LINGO2: variants seen among roughly 807,000 people sequenced by gnomAD.
The protein encoded by LINGO2 is leucine-rich repeat and immunoglobulin-like domain-containing nogo receptor-interacting protein 2.
A neutral mutation model predicts 30.6 loss-of-function variants in LINGO2; 14 were observed. The observed-to-expected ratio is 0.46, with a 90% CI of 0.30 to 0.72. LINGO2 has a LOEUF of 0.72. Ranked by LOEUF, LINGO2 falls within the 30% of genes least tolerant of loss-of-function variation. The pLI is 0.07. For missense variants in LINGO2, 729 were observed against 751.7 expected (o/e 0.97, Z 0.35); for synonymous variants, 317 against 288.5 (o/e 1.10, Z -1.00).
chr9:28,358,833 C>T (rs1309774371), intron 3 of LINGO2, among the ~76,000 whole-genome samples: 1 of 152,052 alleles, frequency 6.6e-6, no homozygotes, highest in Admixed American at 6.6e-5. Flanking sequence ...TAGACAACTG[C>T]TGGAGGCTAG....
In LINGO2 at chr9:28,355,239, CTCTG is replaced by C. The variant is rs200720075; in HGVS notation, c.-246+17593_-246+17596del. ...AAAACCGTAATCTGTCTCTATCTCTCTCTGTCTCTCTCTCTGTCTCTGTCTCTCT... is the reference window on the plus strand; with the variant it reads ...AAAACCGTAATCTGTCTCTATCTCTCTCTCTCTCTCTGTCTCTGTCTCTCT... On this transcript the variant is annotated intron_variant, in intron 3 of 5. Coordinates refer to ENST00000379992, the Ensembl canonical transcript of LINGO2. Among the ~76,000 whole-genome samples, 754 of 140,334 alleles carry C rather than the reference CTCTG, an allele frequency of 5.4e-3. 35 individuals are homozygous for C. In the East Asian group the frequency reaches 0.1, roughly 19 times the overall value. The allele number at this position is 140,334 out of a possible 152,430, so 92.1% of individuals were successfully genotyped here. A position where few individuals can be genotyped will look rare whatever the true frequency, so the allele number is the denominator to read the frequency against.
chr9:28,827,974 T>C, the LINGO2 span, among the ~76,000 whole-genome samples: 3 of 152,044 alleles, frequency 2.0e-5, no homozygotes, highest in African/African-American at 7.2e-5. Context: ...TATTGGTATA[T>C]ATGTTATATG....
chr9:28,289,207 A>C (rs1823630387), intron 4 of LINGO2, among the ~76,000 whole-genome samples: 1 of 152,222 alleles, frequency 6.6e-6, no homozygotes, highest in African/African-American at 2.4e-5. Flanking sequence ...ACAACAGAGA[A>C]CAAAAATAAA....
At chr9:28,218,898 T>C (rs1004673095) in intron 4 of LINGO2, among the ~76,000 whole-genome samples, 4 of 152,198 alleles carry the variant, frequency 2.6e-5, no homozygotes, top group Non-Finnish European at 4.4e-5. Flanking sequence ...GACACAAGAA[T>C]AAGGTTTCTA....
the LINGO2 span, among the ~76,000 whole-genome samples, chr9:28,855,681 G>C: frequency 6.6e-6 from 1 of 151,660 alleles, no homozygotes; most frequent in Non-Finnish European, 1.5e-5. Context: ...ACACACACAA[G>C]CAATTCCTTT....
chr9:28,815,040 AT>A, the LINGO2 span, among the ~76,000 whole-genome samples: 3,994 of 152,328 alleles, frequency 0.026, 176 homozygotes, highest in African/African-American at 0.089. Context: ...CTAAAGAGGA[AT>A]TTTGATTCCT....
At chr9:28,018,164 A>G (rs1822934674) in intron 4 of LINGO2, among the ~76,000 whole-genome samples, 1 of 152,146 alleles carries the variant, frequency 6.6e-6, no homozygotes, top group Non-Finnish European at 1.5e-5. Context: ...TATGCAGAAA[A>G]TTGAAACTGG....
At chr9:28,104,867 T>C (rs1029426931) in intron 4 of LINGO2, among the ~76,000 whole-genome samples, 3 of 152,050 alleles carry the variant, frequency 2.0e-5, no homozygotes, top group African/African-American at 7.2e-5. Context: ...AAATACAGTA[T>C]GGGAAAAATA....
At chr9:28,277,199 T>C (rs571629179) in intron 4 of LINGO2, among the ~76,000 whole-genome samples, 14 of 152,258 alleles carry the variant, frequency 9.2e-5, no homozygotes, top group Non-Finnish European at 1.6e-4. Flanking sequence ...TTGGTAATTC[T>C]GGCAATATAT....
chr9:28,676,077 G>A, the LINGO2 span, among the ~76,000 whole-genome samples: 5 of 150,010 alleles, frequency 3.3e-5, no homozygotes, highest in Admixed American at 2.0e-4. Context: ...ACATTTCCTC[G>A]GAACTTATAT....
the LINGO2 span, among the ~76,000 whole-genome samples, chr9:28,994,403 T>C: frequency 2.6e-5 from 4 of 152,106 alleles, no homozygotes; most frequent in African/African-American, 9.7e-5. Flanking sequence ...TCCATGCTTA[T>C]GGGTAGGAAG....
chr9:28,614,682 T>C (rs1406010390), intron 1 of LINGO2, among the ~76,000 whole-genome samples: 2 of 152,120 alleles, frequency 1.3e-5, no homozygotes, highest in African/African-American at 4.8e-5. Flanking sequence ...TTAATTAATT[T>C]GCACCTCAAG....
intron 4 of LINGO2, among the ~76,000 whole-genome samples, chr9:28,104,271 T>TTTTTTTTTTTTTTTTTTC (rs1826511508): frequency 1.4e-5 from 2 of 146,676 alleles, no homozygotes; most frequent in Non-Finnish European, 3.0e-5. Flanking sequence ...TGTTTGTTTT[T>TTTTTTTTTTTTTTTTTTC]TTTTTTTTTT....
the LINGO2 span, among the ~76,000 whole-genome samples, chr9:28,742,673 G>C: frequency 6.6e-6 from 1 of 151,492 alleles, no homozygotes; most frequent in Admixed American, 6.6e-5. Flanking sequence ...GTCTTTTAAA[G>C]AACCTGAGAG....
chr9:28,291,831 T>C (rs1268111362), intron 4 of LINGO2, among the ~76,000 whole-genome samples: 1 of 152,154 alleles, frequency 6.6e-6, no homozygotes, highest in Non-Finnish European at 1.5e-5. Flanking sequence ...GTAATTCAAC[T>C]TGTAGACCCA....
In LINGO2 at chr9:28,321,283, CA is replaced by C. The variant is rs202172297; in HGVS notation, c.-245-25918del. On this transcript the variant is annotated intron_variant, in intron 3 of 5. Coordinates refer to ENST00000379992, the Ensembl canonical transcript of LINGO2. ...CCTGCTTCAGAAGTAAAACATTTGA[CA>C]AACATGTTGTCACAATAAGCCTCTA... 5.1e-3 allele frequency among the ~76,000 whole-genome samples: 773 copies of C among 152,220 alleles called. 8 individuals carry two copies. Among genetic ancestry groups the C allele is most frequent in the African/African-American group, 0.017 (705 of 41,550 alleles).
chr9:27,949,737 A>G (rs773844976), exon 6 of LINGO2: 9 of 1,614,176 alleles, frequency 5.6e-6, no homozygotes, highest in South Asian at 1.1e-5. Flanking sequence ...GTGAGGCTCA[A>G]TGGTGCGAAG....
chr9:27,976,622 T>C (rs1279106597), intron 5 of LINGO2, among the ~76,000 whole-genome samples: 1 of 152,090 alleles, frequency 6.6e-6, no homozygotes, highest in Non-Finnish European at 1.5e-5. Flanking sequence ...CCTTAAGACA[T>C]GTGCCCAATG....
At chr9:28,055,738 G>GT (rs1824904812) in intron 4 of LINGO2, among the ~76,000 whole-genome samples, 1 of 152,142 alleles carries the variant, frequency 6.6e-6, no homozygotes, top group Admixed American at 6.6e-5. Context: ...TGTACTCAAA[G>GT]ACAAGTCTCT....
Sources: gnomAD v4.1 joint callset for allele counts (sites outside exome capture counted in the v4.1 genomes callset) on GRCh38, gnomAD v4.1.1 for gene constraint, MANE v1.5 for transcripts, NCBI Gene and HGNC (gene_info 2026-07-23, HGNC 2026-07-21) for gene names.